Variants in UVRAG observed in about 807,000 individuals in gnomAD.
UVRAG encodes the protein UV radiation resistance associated, also known as UV radiation resistance-associated gene protein.
UVRAG carries 19 observed loss-of-function variants against 78.0 expected under a neutral mutation model. The ratio of observed to expected loss-of-function variants is 0.24; its 90% CI spans 0.17 to 0.36. The LOEUF is 0.36. Among genes scored for constraint, UVRAG ranks in the 10% least tolerant of loss-of-function variants. The pLI is 1.00. For synonymous variants in UVRAG, 323 were observed against 324.6 expected (o/e 1.00, Z 0.05); for missense variants, 740 against 853.8 (o/e 0.87, Z 1.66).
chr11:75,865,197 GA>G, intron 3 of UVRAG, among the ~76,000 whole-genome samples: 1 of 145,904 alleles, frequency 6.9e-6, no homozygotes. Context: ...TGAGGCAGGA[GA>G]ATTGCTTGAA....
intron 7 of UVRAG, among the ~76,000 whole-genome samples, chr11:75,976,534 T>C (rs907460876): frequency 6.6e-6 from 1 of 152,212 alleles, no homozygotes; most frequent in African/African-American, 2.4e-5. Flanking sequence ...AATTATTGCC[T>C]CAATTTCAGA....
intron 13 of UVRAG, among the ~76,000 whole-genome samples, chr11:76,105,198 A>T (rs2134450516): frequency 6.6e-6 from 1 of 152,268 alleles, no homozygotes; most frequent in East Asian, 1.9e-4. Flanking sequence ...AACATATGAA[A>T]AAAGTGCTCA....
intron 1 of UVRAG, among the ~76,000 whole-genome samples, chr11:75,818,809 C>T (rs867619922): frequency 3.3e-5 from 5 of 152,030 alleles, no homozygotes; most frequent in Admixed American, 6.6e-5. Context: ...TAAACAAGCC[C>T]GGTTGGTTTA....
chr11:75,833,186 T>C (rs1383072682), intron 1 of UVRAG, among the ~76,000 whole-genome samples: 1 of 152,214 alleles, frequency 6.6e-6, no homozygotes, highest in Admixed American at 6.5e-5. Flanking sequence ...TCAGAACACC[T>C]GTATACCTGT....
chr11:76,054,095 C>T (rs1425252472), intron 12 of UVRAG, among the ~76,000 whole-genome samples: 7 of 152,084 alleles, frequency 4.6e-5, no homozygotes, highest in South Asian at 2.1e-4. Flanking sequence ...CCTAATCTTA[C>T]GGCACTTCAC....
chr11:76,132,863 T>C (rs1001306367), intron 14 of UVRAG, among the ~76,000 whole-genome samples: 1 of 152,200 alleles, frequency 6.6e-6, no homozygotes, highest in Non-Finnish European at 1.5e-5. Context: ...AGAGATCAAA[T>C]GTAGATGTTT....
intron 8 of UVRAG, among the ~76,000 whole-genome samples, chr11:75,996,924 A>G (rs1255953784): frequency 6.6e-6 from 1 of 152,146 alleles, no homozygotes; most frequent in Admixed American, 6.6e-5. Context: ...GAGGTATGAC[A>G]GATATCGTTT....
At chr11:75,894,498 T>G (rs903753709) in intron 5 of UVRAG, among the ~76,000 whole-genome samples, 2 of 152,080 alleles carry the variant, frequency 1.3e-5, no homozygotes, top group Non-Finnish European at 2.9e-5. Context: ...AGTAACCAAC[T>G]TTAGAATTTG....
rs149064292 is a variant in UVRAG at position 76,090,960 on chromosome 11, A to G, written c.1306-24964A>G. 3.0e-3 allele frequency among the ~76,000 whole-genome samples: 458 copies of G among 152,222 alleles called. 6 individuals are homozygous for G. Among genetic ancestry groups the G allele is most frequent in the African/African-American group, 0.01 (434 of 41,534 alleles). Reference sequence around the variant, plus strand: ...TAATTTCTCTTATGTTGAAACCTCTATTTTCTAGATAAATCCTCACAAAGA... The same window carrying G: ...TAATTTCTCTTATGTTGAAACCTCTGTTTTCTAGATAAATCCTCACAAAGA... On this transcript the variant is annotated intron_variant, in intron 13 of 14. Transcript: ENST00000356136.
intron 7 of UVRAG, among the ~76,000 whole-genome samples, chr11:75,975,473 C>T (rs1357481986): frequency 3.9e-5 from 6 of 152,234 alleles, no homozygotes; most frequent in East Asian, 1.9e-4. Context: ...GCCATTTTCA[C>T]GATATTGATT....
At chr11:75,988,718 T>G (rs1949546801) in intron 8 of UVRAG, among the ~76,000 whole-genome samples, 1 of 152,244 alleles carries the variant, frequency 6.6e-6, no homozygotes, top group African/African-American at 2.4e-5. Flanking sequence ...AGAGTTTCAC[T>G]TAGTCCACAT....
At chr11:75,842,432 C>T (rs1373027640) in intron 1 of UVRAG, among the ~76,000 whole-genome samples, 1 of 150,258 alleles carries the variant, frequency 6.7e-6, no homozygotes, top group Admixed American at 6.6e-5. Context: ...CTGTGACCTG[C>T]CTTTTCTTTC....
intron 13 of UVRAG, among the ~76,000 whole-genome samples, chr11:76,068,413 T>C (rs994866944): frequency 2.1e-4 from 32 of 152,196 alleles, no homozygotes; most frequent in African/African-American, 7.5e-4. Context: ...CAGCTTTATA[T>C]ATGCTCTTTG....
chr11:75,944,880 T>C (rs1440296197), intron 6 of UVRAG, among the ~76,000 whole-genome samples: 1 of 152,122 alleles, frequency 6.6e-6, no homozygotes. Flanking sequence ...GCTTGGCATA[T>C]GGGCAACAGT....
In UVRAG at chr11:76,016,939, C is replaced by A; in HGVS notation, c.1185C>A (p.Ile395=). The change falls in exon 12 of 15, where the codon ATC becomes ATA. Residue 395 remains isoleucine, a synonymous_variant. Coordinates refer to ENST00000356136, the MANE Select transcript of UVRAG (RefSeq NM_003369.4). ...PIIHKGSRST[I]KDNINDKLTE... ...TTCATAAGGGGTCTAGATCAACAAT[C>A]AAAGACAATATCAATGACAAACTGA... The A allele has an allele frequency of 1.2e-6, 2 of 1,606,386 alleles. No homozygotes were observed. The highest frequency in any genetic ancestry group is 1.7e-5 in the Admixed American group (1 of 59,520).
chr11:75,945,086 C>T (rs1156865004), intron 6 of UVRAG, among the ~76,000 whole-genome samples: 1 of 152,066 alleles, frequency 6.6e-6, no homozygotes, highest in East Asian at 1.9e-4. Context: ...TTTTTCTACG[C>T]TTGATATACA....
intron 1 of UVRAG, among the ~76,000 whole-genome samples, chr11:75,833,826 C>T (rs946460357): frequency 2.0e-5 from 3 of 152,208 alleles, no homozygotes; most frequent in African/African-American, 4.8e-5. Flanking sequence ...AGGCACAGAT[C>T]GCTCATGTTA....
intron 12 of UVRAG, among the ~76,000 whole-genome samples, chr11:76,035,583 T>C (rs571124704): frequency 6.6e-6 from 1 of 152,316 alleles, no homozygotes; most frequent in South Asian, 2.1e-4. Flanking sequence ...AATGAACCTG[T>C]TCACCTATTC....
intron 13 of UVRAG, among the ~76,000 whole-genome samples, chr11:76,086,076 CA>C (rs1951584658): frequency 6.6e-6 from 1 of 152,152 alleles, no homozygotes; most frequent in Admixed American, 6.5e-5. Context: ...GAAGGGAAAA[CA>C]ACCTGCTTTA....
Sources: gnomAD v4.1 joint callset for allele counts (sites outside exome capture counted in the v4.1 genomes callset) on GRCh38, gnomAD v4.1.1 for gene constraint, MANE v1.5 for transcripts, NCBI Gene and HGNC (gene_info 2026-07-23, HGNC 2026-07-21) for gene names.